The following WWOX variants were observed in gnomAD, a reference collection of about 807,000 sequenced individuals.
WWOX encodes WW domain containing oxidoreductase.
A neutral mutation model predicts 46.2 loss-of-function variants in WWOX; 69 were observed. The ratio of observed to expected loss-of-function variants is 1.49; its 90% CI spans 1.23 to 1.82. The LOEUF (loss-of-function observed/expected upper bound fraction) is 1.82. Ranked by LOEUF, WWOX falls within the 40% of genes most tolerant of loss-of-function variation. The pLI is 0.00. For missense variants in WWOX, 919 were observed against 542.6 expected (o/e 1.69, Z -6.89); for synonymous variants, 359 against 202.6 (o/e 1.77, Z -6.56).
At chr16:78,329,746 CTTTCT>C (rs1165588707) in intron 5 of WWOX, among the ~76,000 whole-genome samples, 2 of 150,042 alleles carry the variant, frequency 1.3e-5, no homozygotes, top group Non-Finnish European at 3.0e-5. Flanking sequence ...TTTTCTTTTT[CTTTCT>C]TTTTTTTTTT....
intron 8 of WWOX, among the ~76,000 whole-genome samples, chr16:79,064,817 A>G (rs2048413416): frequency 6.6e-6 from 1 of 152,204 alleles, no homozygotes; most frequent in Non-Finnish European, 1.5e-5. Flanking sequence ...AGCTTAACTT[A>G]TTTATGAATT....
intron 8 of WWOX, among the ~76,000 whole-genome samples, chr16:78,817,172 C>CT (rs33981779): frequency 0.18 from 9,160 of 51,182 alleles, 2,214 homozygotes; most frequent in Non-Finnish European, 0.2. Flanking sequence ...TAGTGCTATT[C>CT]TTTTTTTTTT....
At chr16:78,509,831 C>G (rs945348025) in intron 8 of WWOX, among the ~76,000 whole-genome samples, 3 of 150,956 alleles carry the variant, frequency 2.0e-5, no homozygotes, top group South Asian at 2.1e-4. Flanking sequence ...GTGTGGCTCA[C>G]AAATTCAGCA....
chr16:78,158,895 C>T (rs1337472861), intron 4 of WWOX, among the ~76,000 whole-genome samples: 1 of 151,608 alleles, frequency 6.6e-6, no homozygotes, highest in Non-Finnish European at 1.5e-5. Flanking sequence ...ATCTGGCGTA[C>T]CTGAAACTTC....
intron 8 of WWOX, among the ~76,000 whole-genome samples, chr16:78,719,910 A>G (rs1002634029): frequency 6.6e-6 from 1 of 152,138 alleles, no homozygotes; most frequent in Non-Finnish European, 1.5e-5. Context: ...TTCCCTTTGC[A>G]GTTTTATTCA....
At chr16:78,347,081 T>G (rs1347235775) in intron 5 of WWOX, among the ~76,000 whole-genome samples, 1 of 118,598 alleles carries the variant, frequency 8.4e-6, no homozygotes, top group African/African-American at 2.9e-5. Flanking sequence ...TATTGAGATA[T>G]AATTCATATA....
chr16:78,947,336 A>AT (rs1270054724), intron 8 of WWOX, among the ~76,000 whole-genome samples: 1 of 151,934 alleles, frequency 6.6e-6, no homozygotes, highest in South Asian at 2.1e-4. Context: ...TTCAAACACC[A>AT]TTTTTTAAGC....
At position 78,994,986 on chromosome 16, in the gene WWOX, T is replaced by C. The variant is rs1193980148; in HGVS notation, c.1057-216622T>C. Among the ~76,000 whole-genome samples the C allele has an allele frequency of 7.6e-4, 106 of 139,218 alleles. 2 individuals are homozygous for C. The Admixed American group carries it at 7.9e-3, about 10-fold the overall frequency. 91.3% of individuals were successfully genotyped at this position (139,218 alleles called of 152,430 possible). ...TTCTTCTTCTTTTTTTTTTTTTTTTTTTGTTTTTCCTCCCAGCCTCTCTCC... is the reference window on the plus strand; with the variant it reads ...TTCTTCTTCTTTTTTTTTTTTTTTTCTTGTTTTTCCTCCCAGCCTCTCTCC... On this transcript the variant is annotated intron_variant, in intron 8 of 8. Transcript: ENST00000566780.
chr16:78,793,726 T>C (rs2050667772), intron 8 of WWOX, among the ~76,000 whole-genome samples: 1 of 152,108 alleles, frequency 6.6e-6, no homozygotes. Flanking sequence ...AACTCATCCT[T>C]GCAGTGGGAT....
intron 1 of WWOX, among the ~76,000 whole-genome samples, chr16:78,104,641 A>G (rs1396613036): frequency 1.3e-5 from 2 of 152,378 alleles, no homozygotes; most frequent in East Asian, 3.9e-4. Flanking sequence ...CGTTGAAAGA[A>G]TAAAAAATCA....
intron 8 of WWOX, chr16:78,897,446 C>T (rs1277171524): frequency 6.6e-6 from 1 of 151,942 alleles, no homozygotes; most frequent in Non-Finnish European, 1.5e-5. Context: ...GTGTCGTCTT[C>T]TGCTTAATGA....
rs78580551 is a variant in WWOX at position 78,852,886 on chromosome 16, A to G, written c.1057-358722A>G. Among the ~76,000 whole-genome samples, 18 of 152,298 alleles carry G rather than the reference A, an allele frequency of 1.2e-4. No individual in the cohort carries two copies. The East Asian group carries it at 3.5e-3, about 29-fold the overall frequency. On this transcript the variant is annotated intron_variant, in intron 8 of 8. Coordinates refer to ENST00000566780, the MANE Select transcript of WWOX (RefSeq NM_016373.4). ...ATTCTTTGTTCCCTCTGCATATAGC[A>G]CTTTCTCAAAAAGTAGTTTGGTGAC...
At chr16:78,625,131 T>C (rs920652194) in intron 8 of WWOX, among the ~76,000 whole-genome samples, 15 of 152,230 alleles carry the variant, frequency 9.9e-5, no homozygotes, top group Non-Finnish European at 1.5e-4. Context: ...CCTAAGCTAC[T>C]AAAACTTTGC....
intron 5 of WWOX, among the ~76,000 whole-genome samples, chr16:78,277,561 C>T (rs1467817198): frequency 6.6e-6 from 1 of 152,042 alleles, no homozygotes; most frequent in African/African-American, 2.4e-5. Flanking sequence ...TGGGGGAGGG[C>T]ACAGTGGGGA....
At chr16:78,307,283 C>T (rs572861951) in intron 5 of WWOX, among the ~76,000 whole-genome samples, 17 of 152,304 alleles carry the variant, frequency 1.1e-4, no homozygotes, top group African/African-American at 3.6e-4. Context: ...GAATAGAGTA[C>T]GCTTCTAGGC....
rs959347617 is a variant in WWOX, at chr16:78,641,652, G to A, written c.1056+208900G>A. Among the ~76,000 whole-genome samples, 6 of 152,176 alleles carry A rather than the reference G, an allele frequency of 3.9e-5. No homozygotes were observed. In the South Asian group the frequency reaches 1.2e-3, roughly 32 times the overall value. On this transcript the variant is annotated intron_variant, in intron 8 of 8. Coordinates refer to ENST00000566780, the MANE Select transcript of WWOX (RefSeq NM_016373.4). ...CCCGGCTCGTGGTTAACCCAAGCAAGAGGTAGTTAAACGGCCCCGCAGATT... is the reference window on the plus strand; with the variant it reads ...CCCGGCTCGTGGTTAACCCAAGCAAAAGGTAGTTAAACGGCCCCGCAGATT...
chr16:78,995,663 C>A (rs566050415), intron 8 of WWOX, among the ~76,000 whole-genome samples: 1 of 152,066 alleles, frequency 6.6e-6, no homozygotes, highest in Non-Finnish European at 1.5e-5. Flanking sequence ...AGCAAGATTA[C>A]ATATATAGCC....
At chr16:79,122,836 C>T (rs138355756) in intron 8 of WWOX, among the ~76,000 whole-genome samples, 1 of 152,292 alleles carries the variant, frequency 6.6e-6, no homozygotes, top group Non-Finnish European at 1.5e-5. Context: ...AATACATCTT[C>T]ATATGCCCAT....
intron 5 of WWOX, among the ~76,000 whole-genome samples, chr16:78,191,613 A>G (rs1237314498): frequency 6.6e-6 from 1 of 152,092 alleles, no homozygotes; most frequent in Non-Finnish European, 1.5e-5. Flanking sequence ...TCTCCTATAC[A>G]TGATTGCTGT....
Sources: allele counts gnomAD v4.1 joint callset (sites outside exome capture counted in the v4.1 genomes callset), GRCh38; gene constraint gnomAD v4.1.1; transcripts MANE v1.5; gene names NCBI Gene and HGNC (gene_info 2026-07-23, HGNC 2026-07-21).